The following MC2R variants were observed in gnomAD, a reference collection of about 807,000 sequenced individuals.
The protein encoded by MC2R is adrenocorticotropic hormone receptor.
In MC2R, 9 loss-of-function variants were observed where a neutral mutation model predicts 9.8. The ratio of observed to expected loss-of-function variants is 0.92; its 90% CI spans 0.55 to 1.60. The LOEUF (loss-of-function observed/expected upper bound fraction) is 1.60, where lower values mean the gene tolerates loss of function less well. Ranked by LOEUF, MC2R falls within the 40% of genes most tolerant of loss-of-function variation. The pLI is 0.00. For missense variants in MC2R, 370 were observed against 389.0 expected (o/e 0.95, Z 0.41); for synonymous variants, 185 against 154.7 (o/e 1.20, Z -1.45).
At chr18:13,894,585 T>C (rs1485455122) in intron 1 of MC2R, among the ~76,000 whole-genome samples, 1 of 152,230 alleles carries the variant, frequency 6.6e-6, no homozygotes, top group Non-Finnish European at 1.5e-5. Flanking sequence ...AGGAAATTAT[T>C]CTTCAATTAG....
chr18:13,889,325 C>CA (rs2045299196), intron 1 of MC2R, among the ~76,000 whole-genome samples: 1 of 152,142 alleles, frequency 6.6e-6, no homozygotes. Flanking sequence ...CCCCAGGAGG[C>CA]AGAGATGGGG....
At chr18:13,912,523 C>G (rs999860838) in intron 1 of MC2R, among the ~76,000 whole-genome samples, 1 of 152,108 alleles carries the variant, frequency 6.6e-6, no homozygotes, top group African/African-American at 2.4e-5. Context: ...AACTGAGGGG[C>G]TCAGGACTCT....
chr18:13,887,814 C>A (rs2045286322), intron 1 of MC2R, among the ~76,000 whole-genome samples: 1 of 152,076 alleles, frequency 6.6e-6, no homozygotes, highest in Admixed American at 6.5e-5. Flanking sequence ...GCTTTCAGAC[C>A]AGAACACATC....
chr18:13,906,215 A>G (rs1411588522), intron 1 of MC2R, among the ~76,000 whole-genome samples: 3 of 152,272 alleles, frequency 2.0e-5, no homozygotes, highest in Non-Finnish European at 4.4e-5. Flanking sequence ...TAAAGAAAAT[A>G]TGGTACACAT....
Position 13,914,268 on chromosome 18 carries a change from C to T in MC2R, c.-129+1220G>A, listed in dbSNP as rs1468328347. On this transcript the variant is annotated intron_variant, in intron 1 of 1. Coordinates refer to ENST00000327606, the MANE Select transcript of MC2R (RefSeq NM_000529.2). ...TGTCCCAAAGGCAGGGTGAGGGCTCCCGTCTCCCTGCTCCCACAGCTCTTT... is the reference window on the plus strand; with the variant it reads ...TGTCCCAAAGGCAGGGTGAGGGCTCTCGTCTCCCTGCTCCCACAGCTCTTT... Among the ~76,000 whole-genome samples the T allele has an allele frequency of 2.6e-5, 4 of 152,128 alleles. No homozygotes were observed. In the East Asian group the frequency reaches 7.7e-4, roughly 29 times the overall value.
rs2045234852 is a variant in MC2R, at chr18:13,882,096, C to T, written c.*2529G>A. The T allele has an allele frequency of 6.6e-6, 1 of 152,238 alleles. No individual in the cohort carries two copies. The highest frequency in any genetic ancestry group is 1.5e-5 in the Non-Finnish European group (1 of 68,046). 9.4% of individuals were successfully genotyped at this position (152,238 alleles called of 1,614,324 possible). On this transcript the variant is annotated 3_prime_UTR_variant, in exon 2 of 2. Transcript: ENST00000327606. ...CTCAGAATTACTATCAGCTTGAGTACACATCCTGAACATTTTCAGCTATCT... is the reference window on the plus strand; with the variant it reads ...CTCAGAATTACTATCAGCTTGAGTATACATCCTGAACATTTTCAGCTATCT...
Position 13,884,559 on chromosome 18 carries a change from A to T in MC2R, c.*66T>A. The stretch of plus-strand genomic sequence containing the variant: ...GTGAGGAGCACTGGCATTTGTTGGA[A>T]TGTTACACTATTCTGGCACTTGGCA... On this transcript the variant is annotated 3_prime_UTR_variant, in exon 2 of 2. Coordinates refer to ENST00000327606, the MANE Select transcript of MC2R (RefSeq NM_000529.2). 2 of 1,544,750 alleles carry T rather than the reference A, an allele frequency of 1.3e-6. No individual in the cohort carries two copies. The highest frequency in any genetic ancestry group is 1.8e-6 in the Non-Finnish European group (2 of 1,127,856).
At chr18:13,886,272 T>C (rs1269540315) in intron 1 of MC2R, among the ~76,000 whole-genome samples, 2 of 152,228 alleles carry the variant, frequency 1.3e-5, no homozygotes, top group Non-Finnish European at 2.9e-5. Context: ...TGGGCCCTCA[T>C]CTTAAGCACT....
intron 1 of MC2R, among the ~76,000 whole-genome samples, chr18:13,908,742 G>GTGTGTGTGTGTT: frequency 6.7e-6 from 1 of 148,314 alleles, no homozygotes; most frequent in Admixed American, 6.8e-5. Flanking sequence ...GTGTGTGTGT[G>GTGTGTGTGTGTT]TATTTCAAGC....
At chr18:13,906,063 A>G (rs1249894341) in intron 1 of MC2R, among the ~76,000 whole-genome samples, 1 of 152,106 alleles carries the variant, frequency 6.6e-6, no homozygotes, top group African/African-American at 2.4e-5. Context: ...ACAGAGTAAG[A>G]CCCCATCTCA....
chr18:13,909,001 A>G (rs944667933), intron 1 of MC2R, among the ~76,000 whole-genome samples: 2 of 152,136 alleles, frequency 1.3e-5, no homozygotes, highest in South Asian at 2.1e-4. Flanking sequence ...GTTATTAACT[A>G]AAGTCCATGC....
chr18:13,894,165 CATGT>C (rs2045333131), intron 1 of MC2R, among the ~76,000 whole-genome samples: 1 of 151,026 alleles, frequency 6.6e-6, no homozygotes, highest in Non-Finnish European at 1.5e-5. Flanking sequence ...TGTGTGCGTG[CATGT>C]GTGTGTGAGA....
At chr18:13,908,285 T>C (rs2045425062) in intron 1 of MC2R, among the ~76,000 whole-genome samples, 1 of 152,158 alleles carries the variant, frequency 6.6e-6, no homozygotes, top group South Asian at 2.1e-4. Flanking sequence ...GAAAGACAAA[T>C]GTCCCTTGTT....
intron 1 of MC2R, among the ~76,000 whole-genome samples, chr18:13,887,164 C>T (rs2045281296): frequency 2.1e-5 from 3 of 142,898 alleles, no homozygotes; most frequent in African/African-American, 7.6e-5. Flanking sequence ...CTGGGGAAGC[C>T]TCGGGGATGG....
intron 1 of MC2R, among the ~76,000 whole-genome samples, chr18:13,901,609 T>C (rs865970620): frequency 6.6e-6 from 1 of 152,082 alleles, no homozygotes; most frequent in Non-Finnish European, 1.5e-5. Context: ...AGTAACTATA[T>C]GCCTGTAAAT....
At chr18:13,909,602 T>A (rs551492760) in intron 1 of MC2R, among the ~76,000 whole-genome samples, 1 of 152,206 alleles carries the variant, frequency 6.6e-6, no homozygotes, top group African/African-American at 2.4e-5. Context: ...TATGAATGCA[T>A]GGACAACTAT....
At position 13,885,211 on chromosome 18, in the gene MC2R, T is replaced by C; in HGVS notation, c.308A>G (p.Asp103Gly). Residue 103 changes from aspartate to glycine, a missense_variant, in exon 2 of 2, where the codon GAT becomes GGT. Transcript: ENST00000327606. ...GACAAACAGGGAGTCGATGATGTCA[T>C]CGGCTGTGGTTTCAAAACTGCCACG... ...KPRGSFETTA[D>G]DIIDSLFVLS... 6.2e-7 allele frequency: 1 copy of C among 1,614,118 alleles called. No homozygotes were observed. Among genetic ancestry groups the C allele is most frequent in the Non-Finnish European group, 8.5e-7 (1 of 1,179,994 alleles).
Position 13,884,939 on chromosome 18 carries a change from CAT to C in MC2R, c.578_579del (p.Tyr193CysfsTer55), listed in dbSNP as rs770825788. 1 of 1,613,956 alleles carries C rather than the reference CAT, an allele frequency of 6.2e-7. No individual in the cohort carries two copies. On this transcript the variant is annotated frameshift_variant, in exon 2 of 2. Transcript: ENST00000327606. LOFTEE classifies it high-confidence loss of function. ...PLMLVFILCL[Y>X]VHMFLLARSH... is the part of the protein sequence containing the mutation. ...GATCGAGCCAGCAGGAACATGTGCA[CAT>C]AGAGGCACAGGATGAAGACCAGCAT...
chr18:13,914,938 G>A (rs1048111305), intron 1 of MC2R, among the ~76,000 whole-genome samples: 2 of 152,204 alleles, frequency 1.3e-5, no homozygotes, highest in Non-Finnish European at 2.9e-5. Context: ...GAAGGTGGAG[G>A]CTGACTGAGC....
Sources: gnomAD v4.1 joint callset for allele counts (sites outside exome capture counted in the v4.1 genomes callset) on GRCh38, gnomAD v4.1.1 for gene constraint, MANE v1.5 for transcripts, NCBI Gene and HGNC (gene_info 2026-07-23, HGNC 2026-07-21) for gene names.